VARS1: variants seen among roughly 807,000 people sequenced by gnomAD.
The protein encoded by VARS1 is valyl-tRNA synthetase 1.
In VARS1, 92 loss-of-function variants were observed where a neutral mutation model predicts 161.0. The ratio of observed to expected loss-of-function variants is 0.57; its 90% CI spans 0.48 to 0.68. VARS1 has a LOEUF of 0.68. Ranked by LOEUF, VARS1 falls within the 30% of genes least tolerant of loss-of-function variation. The pLI, the probability that VARS1 is intolerant of heterozygous loss-of-function variation, is 0.00. For missense variants in VARS1, 1,338 were observed against 1,695.9 expected, an observed-to-expected ratio of 0.79 and a Z score of 3.71; for synonymous variants, 595 against 682.5, an observed-to-expected ratio of 0.87 and a Z score of 2.00.
In VARS1 at chr6:31,780,009, C is replaced by G; in HGVS notation, c.3070G>C (p.Asp1024His). The G allele has an allele frequency of 6.2e-7, 1 of 1,613,992 alleles. No homozygotes were observed. Among genetic ancestry groups the G allele is most frequent in the East Asian group, 2.2e-5 (1 of 44,880 alleles). ...QYSFWLYELC[D>H]VYLECLKPVL... is the part of the protein sequence containing the mutation. Reference sequence around the variant, plus strand: ...GTGCTCCTTCTCACCAAGTAGACATCACAGAGCTCATAGAGCCAGAAGCTG... The same window carrying G: ...GTGCTCCTTCTCACCAAGTAGACATGACAGAGCTCATAGAGCCAGAAGCTG... The change falls in exon 26 of 30, where the codon GAT (aspartate) becomes CAT (histidine). Residue 1024 changes from aspartate (D) to histidine (H), a missense_variant. Physicochemically the swap from Asp to His is moderately conservative, Grantham distance 81. This residue lies in a region of VARS1 where 433 missense variants were observed against 586.2 expected (regional missense o/e 0.74). Transcript: ENST00000375663. This position sits in a 1 kb window ranked among gnomAD's most constrained non-coding sequence, Gnocchi z 5.1.
At chr6:31,788,447 C>A (rs368710769) in intron 8 of VARS1, among the ~76,000 whole-genome samples, 51 of 148,806 alleles carry the variant, frequency 3.4e-4, no homozygotes, top group African/African-American at 1.2e-3. Flanking sequence ...TTGCAGTAAG[C>A]GCGCATCACT....
rs775266714 is a variant in VARS1, at chr6:31,792,817, G to A, written c.601C>T (p.Arg201Ter). The change falls in exon 4 of 30, where the codon CGA becomes TGA. Residue 201 changes from arginine (R) to a stop codon, truncating the protein, a stop_gained. Transcript: ENST00000375663. LOFTEE classifies it high-confidence loss of function. Reference sequence around the variant, plus strand: ...AGAACCACTTCTCCTAGCACGGCTCGGAATTCTGGCTGCCGGACACACGTG... The same window carrying A: ...AGAACCACTTCTCCTAGCACGGCTCAGAATTCTGGCTGCCGGACACACGTG... ...FVTCVRQPEF[R>*]AVLGEVVLYS... 6.2e-7 allele frequency: 1 copy of A among 1,614,170 alleles called. No individual in the cohort carries two copies. The highest frequency in any genetic ancestry group is 1.7e-5 in the Admixed American group (1 of 60,020).
rs771677951 is a variant in VARS1 at position 31,779,456 on chromosome 6, G to A, written c.3369C>T (p.Ala1123=). The A allele has an allele frequency of 8.1e-6, 13 of 1,612,444 alleles. No homozygotes were observed. The highest frequency in any genetic ancestry group is 4.0e-5 in the African/African-American group (3 of 74,934). The change falls in exon 28 of 30, where the codon GCC becomes GCT. Residue 1123 remains alanine (A), a synonymous_variant. Coordinates refer to ENST00000375663, the MANE Select transcript of VARS1 (RefSeq NM_006295.3). The surrounding 1 kb of genome is among the most constrained non-coding windows in gnomAD (Gnocchi z 9.1). Reference sequence around the variant, plus strand: ...GCCGGATCCGGGTGAGGTTGTAGTCGGCCCGCAGGGAGCGCACGGCTCGCG... The same window carrying A: ...GCCGGATCCGGGTGAGGTTGTAGTCAGCCCGCAGGGAGCGCACGGCTCGCG... The part of the protein sequence containing the change: ...SITRAVRSLR[A]DYNLTRIRPD...
chr6:31,777,648 TTC>T lies in VARS1; in HGVS notation c.3739_3740del (p.Glu1247SerfsTer8). ...CCTCATCCACCTTCCTGAGCTCTGCTTCTGTCTGTTGGAGCTGGAGTGGAACC... is the reference window on the plus strand; with the variant it reads ...CCTCATCCACCTTCCTGAGCTCTGCTTGTCTGTTGGAGCTGGAGTGGAACC... ...EADEAKLQQT[E>X]AELRKVDEAI... is the part of the protein sequence containing the mutation. On this transcript the variant is annotated frameshift_variant, in exon 30 of 30. Transcript: ENST00000375663. LOFTEE classifies it high-confidence loss of function. This position sits in a 1 kb window ranked among gnomAD's most constrained non-coding sequence, Gnocchi z 5.8. The T allele has an allele frequency of 6.2e-7, 1 of 1,613,790 alleles. No individual in the cohort carries two copies. Among genetic ancestry groups the T allele is most frequent in the Non-Finnish European group, 8.5e-7 (1 of 1,179,850 alleles).
rs1235242431 is a variant in VARS1 at position 31,784,380 on chromosome 6, C to A, written c.1576+14G>T. The A allele has an allele frequency of 1.2e-6, 2 of 1,614,178 alleles. No homozygotes were observed. Among genetic ancestry groups the A allele is most frequent in the Admixed American group, 3.3e-5 (2 of 60,030 alleles). ...CCACTCCCAGCCCAGGATCCTGGTG[C>A]CCCTGGCTCCTACCTGAGCCTTGGA... On this transcript the variant is annotated intron_variant, in intron 12 of 29. Transcript: ENST00000375663. The surrounding 1 kb of genome is among the most constrained non-coding windows in gnomAD (Gnocchi z 6.1).
rs976303466 is a variant in VARS1 at position 31,791,155 on chromosome 6, A to C, written c.1100+455T>G. On this transcript the variant is annotated intron_variant, in intron 8 of 29. Transcript: ENST00000375663. The surrounding 1 kb of genome is among the most constrained non-coding windows in gnomAD (Gnocchi z 5.0). ...AACAGAACAAGACTCTGTCCCCCCA[A>C]AAAAAAATATATATATTCATATGTT... Among the ~76,000 whole-genome samples, 3 of 151,540 alleles carry C rather than the reference A, an allele frequency of 2.0e-5. No individual in the cohort carries two copies. The highest frequency in any genetic ancestry group is 4.8e-5 in the African/African-American group (2 of 41,278).
In VARS1 at chr6:31,780,191, G is replaced by C. The variant is rs752230585; in HGVS notation, c.2926-38C>G. 6.2e-7 allele frequency: 1 copy of C among 1,608,516 alleles called. No individual in the cohort carries two copies. Among genetic ancestry groups the C allele is most frequent in the Non-Finnish European group, 8.5e-7 (1 of 1,179,150 alleles). On this transcript the variant is annotated intron_variant, in intron 25 of 29. Transcript: ENST00000375663. This position sits in a 1 kb window ranked among gnomAD's most constrained non-coding sequence, Gnocchi z 5.1. ...GGGTGTATCAGCCGGCGGGCCAGGG[G>C]AGGGTGCCAGAACCCCATGGGGGCA...
At chr6:31,790,386 G>C (rs552825228) in intron 8 of VARS1, among the ~76,000 whole-genome samples, 1 of 152,164 alleles carries the variant, frequency 6.6e-6, no homozygotes, top group African/African-American at 2.4e-5. Context: ...CAGATCACCT[G>C]AGGTCAGGAG....
chr6:31,785,164 A>G lies in VARS1; in HGVS notation c.1347+82T>C. ...GGGCCAGCTCCTGAGAGAGGGCCAC[A>G]ACACCTCTGCTTTCTCCTGTGGGGG... is the stretch of plus-strand genomic sequence containing the variant. On this transcript the variant is annotated intron_variant, in intron 10 of 29. Coordinates refer to ENST00000375663, the MANE Select transcript of VARS1 (RefSeq NM_006295.3). The surrounding 1 kb of genome is among the most constrained non-coding windows in gnomAD (Gnocchi z 6.1). 1 of 1,553,788 alleles carries G rather than the reference A, an allele frequency of 6.4e-7. No homozygotes were observed. The highest frequency in any genetic ancestry group is 1.1e-5 in the South Asian group (1 of 89,352).
intron 14 of VARS1, 81 bp downstream of exon 14, chr6:31,783,015 T>G (rs897049464): frequency 1.9e-6 from 3 of 1,562,566 alleles, no homozygotes; most frequent in Non-Finnish European, 2.6e-6. Context: ...AAGCTTATTT[T>G]CTTTTTCTCT....
rs1322808173 is a variant in VARS1 at position 31,795,114 on chromosome 6, C to T, written c.104G>A (p.Gly35Glu). 5 of 1,486,146 alleles carry T rather than the reference C, an allele frequency of 3.4e-6. No individual in the cohort carries two copies. The highest frequency in any genetic ancestry group is 4.5e-6 in the Non-Finnish European group (5 of 1,116,996). 92.1% of individuals were successfully genotyped at this position (1,486,146 alleles called of 1,614,324 possible). The change falls in exon 2 of 30, where the codon GGA becomes GAA. Residue 35 changes from glycine (G) to glutamate (E), a missense_variant. Coordinates refer to ENST00000375663, the MANE Select transcript of VARS1 (RefSeq NM_006295.3). The surrounding 1 kb of genome is among the most constrained non-coding windows in gnomAD (Gnocchi z 6.9). ...GEAGEGPGWG[G>E]AHPRICLQPP... Reference sequence around the variant, plus strand: ...CTGGAGACAGATGCGGGGGTGGGCTCCTCCCCATCCGGGACCCTCCCCAGC... The same window carrying T: ...CTGGAGACAGATGCGGGGGTGGGCTTCTCCCCATCCGGGACCCTCCCCAGC...
chr6:31,784,551 C>A lies in VARS1; in HGVS notation c.1467+44G>T. The A allele has an allele frequency of 1.2e-6, 2 of 1,613,538 alleles. No homozygotes were observed. The highest frequency in any genetic ancestry group is 3.3e-5 in the Admixed American group (2 of 60,026). ...GTGGCCCAGGGGCCAGGGCCAGGGCCAGGGTAGATTGGAGATGGAGACAGG... is the reference window on the plus strand; with the variant it reads ...GTGGCCCAGGGGCCAGGGCCAGGGCAAGGGTAGATTGGAGATGGAGACAGG... On this transcript the variant is annotated intron_variant, in intron 11 of 29. Coordinates refer to ENST00000375663, the MANE Select transcript of VARS1 (RefSeq NM_006295.3). This position sits in a 1 kb window ranked among gnomAD's most constrained non-coding sequence, Gnocchi z 6.1.
rs761879506 is a variant in VARS1, at chr6:31,780,160, G to A, written c.2926-7C>T. Reference sequence around the variant, plus strand: ...GGCTCTCATGGCCTCCGGGCTTGGGGAGAGAGGGTGTATCAGCCGGCGGGC... The same window carrying A: ...GGCTCTCATGGCCTCCGGGCTTGGGAAGAGAGGGTGTATCAGCCGGCGGGC... On this transcript the variant is annotated splice_region_variant and splice_polypyrimidine_tract_variant and intron_variant, in intron 25 of 29. Transcript: ENST00000375663. This position sits in a 1 kb window ranked among gnomAD's most constrained non-coding sequence, Gnocchi z 5.1. 14 of 1,613,132 alleles carry A rather than the reference G, an allele frequency of 8.7e-6. No individual in the cohort carries two copies. Among genetic ancestry groups the A allele is most frequent in the Non-Finnish European group, 1.2e-5 (14 of 1,179,832 alleles).
Position 31,792,300 on chromosome 6 carries a change from T to C in VARS1, c.788A>G (p.Lys263Arg), listed in dbSNP as rs1175623970. The change falls in exon 6 of 30, where the codon AAG becomes AGG. Residue 263 changes from lysine (K) to arginine (R), a missense_variant and splice_region_variant. By Grantham distance (26) the Lys-to-Arg change is conservative. Around this residue, in one of 3 missense-constraint regions of VARS1, gnomAD observed 902 missense variants for 1,090.3 expected, o/e 0.83. Coordinates refer to ENST00000375663, the MANE Select transcript of VARS1 (RefSeq NM_006295.3). ...CTCCCTCTTCTCTGGTTTTGGTTTCTTCTGCTTGGGAGGGAGAAGACATAG... is the reference window on the plus strand; with the variant it reads ...CTCCCTCTTCTCTGGTTTTGGTTTCCTCTGCTTGGGAGGGAGAAGACATAG... The part of the protein sequence containing the change: ...IQQQQPPPGE[K>R]KPKPEKREKR... 2 of 1,613,928 alleles carry C rather than the reference T, an allele frequency of 1.2e-6. No homozygotes were observed. The highest frequency in any genetic ancestry group is 2.2e-5 in the East Asian group (1 of 44,852).
Position 31,782,241 on chromosome 6 carries a change from C to T in VARS1, c.2150+44G>A, listed in dbSNP as rs752671425. On this transcript the variant is annotated intron_variant, in intron 17 of 29. Transcript: ENST00000375663. The surrounding 1 kb of genome is among the most constrained non-coding windows in gnomAD (Gnocchi z 8.3). ...TGGAGCCTGGCCCGAGTGAGCCCTG[C>T]TCAGCCCTCGGCAAGCCCCTCCCAC... is the stretch of plus-strand genomic sequence containing the variant. 6.2e-7 allele frequency: 1 copy of T among 1,610,534 alleles called. No homozygotes were observed. Among genetic ancestry groups the T allele is most frequent in the Non-Finnish European group, 8.5e-7 (1 of 1,178,044 alleles).
At position 31,782,301 on chromosome 6, in the gene VARS1, A is replaced by C. The variant is rs1022252111; in HGVS notation, c.2134T>G (p.Trp712Gly). 3 of 1,612,768 alleles carry C rather than the reference A, an allele frequency of 1.9e-6. No homozygotes were observed. Among genetic ancestry groups the C allele is most frequent in the Non-Finnish European group, 2.5e-6 (3 of 1,179,732 alleles). Reference sequence around the variant, plus strand: ...CCTACACACCGGATGTTGTCCATCCAGGCATGCCATGTGCGCTGATGGGCC... The same window carrying C: ...CCTACACACCGGATGTTGTCCATCCCGGCATGCCATGTGCGCTGATGGGCC... ...PEAHQRTWHA[W>G]MDNIREWCIS... Residue 712 changes from tryptophan to glycine, a missense_variant, in exon 17 of 30, where the codon TGG (tryptophan) becomes GGG (glycine). By Grantham distance (184) the Trp-to-Gly change is radical. Transcript: ENST00000375663. This position sits in a 1 kb window ranked among gnomAD's most constrained non-coding sequence, Gnocchi z 8.3.
At position 31,778,391 on chromosome 6, in the gene VARS1, A is replaced by G. The variant is rs922767164; in HGVS notation, c.3726+576T>C. ...TGTGCCCAGCCCCCAGCTGCTCCCC[A>G]TGTGTAAGGGGAGGGCCTTCTATGG... On this transcript the variant is annotated intron_variant, in intron 29 of 29. Coordinates refer to ENST00000375663, the MANE Select transcript of VARS1 (RefSeq NM_006295.3). The surrounding 1 kb of genome is among the most constrained non-coding windows in gnomAD (Gnocchi z 5.1). Among the ~76,000 whole-genome samples the G allele has an allele frequency of 2.0e-5, 3 of 152,126 alleles. No homozygotes were observed. The highest frequency in any genetic ancestry group is 7.2e-5 in the African/African-American group (3 of 41,436).
Position 31,785,215 on chromosome 6 carries a change from C to G in VARS1, c.1347+31G>C. Reference sequence around the variant, plus strand: ...TCCCACCCTGGGGAGACTCCTACTCCTGCCCCAGCTTTGACACTCCTCCCA... The same window carrying G: ...TCCCACCCTGGGGAGACTCCTACTCGTGCCCCAGCTTTGACACTCCTCCCA... On this transcript the variant is annotated intron_variant, in intron 10 of 29. Coordinates refer to ENST00000375663, the MANE Select transcript of VARS1 (RefSeq NM_006295.3). The surrounding 1 kb of genome is among the most constrained non-coding windows in gnomAD (Gnocchi z 6.1). The G allele has an allele frequency of 6.2e-7, 1 of 1,612,610 alleles. No homozygotes were observed. Among genetic ancestry groups the G allele is most frequent in the Non-Finnish European group, 8.5e-7 (1 of 1,179,628 alleles).
Position 31,784,359 on chromosome 6 carries a change from T to C in VARS1, c.1576+35A>G. 6.2e-7 allele frequency: 1 copy of C among 1,614,156 alleles called. No homozygotes were observed. The highest frequency in any genetic ancestry group is 8.5e-7 in the Non-Finnish European group (1 of 1,180,032). The stretch of plus-strand genomic sequence containing the variant: ...CTTGGCCTTGGCCCCTTCCTGCCAC[T>C]CCCAGCCCAGGATCCTGGTGCCCCT... On this transcript the variant is annotated intron_variant, in intron 12 of 29. Coordinates refer to ENST00000375663, the MANE Select transcript of VARS1 (RefSeq NM_006295.3). This position sits in a 1 kb window ranked among gnomAD's most constrained non-coding sequence, Gnocchi z 6.1.
Sources: allele counts gnomAD v4.1 joint callset (sites outside exome capture counted in the v4.1 genomes callset), GRCh38; gene constraint gnomAD v4.1.1; regional missense constraint gnomAD v4.1.1; non-coding constraint Gnocchi (gnomAD v3.1); transcripts MANE v1.5; gene names NCBI Gene and HGNC (gene_info 2026-07-23, HGNC 2026-07-21).